Variants in SNTG2 observed in about 807,000 individuals in gnomAD.
The protein encoded by SNTG2 is syntrophin gamma 2, also known as gamma-2-syntrophin.
Under a neutral mutation model 70.9 loss-of-function variants are expected in SNTG2, and 74 were observed. That is an observed-to-expected ratio of 1.04 (90% CI 0.86 to 1.27). SNTG2 has a LOEUF of 1.27. Among genes scored for constraint, SNTG2 ranks in the 50% most tolerant of loss-of-function variants. The pLI, the probability that SNTG2 is intolerant of heterozygous loss-of-function variation, is 0.00. For synonymous variants in SNTG2, 278 were observed against 273.8 expected (o/e 1.02, Z -0.15); for missense variants, 717 against 690.7 (o/e 1.04, Z -0.43).
chr2:1,139,077 G>T (rs1052853386), intron 6 of SNTG2, among the ~76,000 whole-genome samples: 11 of 152,228 alleles, frequency 7.2e-5, no homozygotes, highest in African/African-American at 2.4e-4. Flanking sequence ...AAGCCAAAAA[G>T]TCTCGAGTAG....
intron 1 of SNTG2, among the ~76,000 whole-genome samples, chr2:1,063,806 A>T (rs149012522): frequency 7.7e-4 from 117 of 152,338 alleles, no homozygotes; most frequent in Admixed American, 2.0e-3. Flanking sequence ...AAACTTTCAC[A>T]TTTATGGATA....
intron 4 of SNTG2, among the ~76,000 whole-genome samples, chr2:1,118,549 A>G (rs2148281193): frequency 1.3e-5 from 2 of 152,308 alleles, no homozygotes; most frequent in South Asian, 4.1e-4. Context: ...TAGAAGAGAT[A>G]AGAATCAGAT....
At chr2:1,247,559 G>A (rs1173114323) in intron 12 of SNTG2, 116 bp downstream of exon 12, 13 of 693,894 alleles carry the variant, frequency 1.9e-5, no homozygotes, top group African/African-American at 3.6e-5. Context: ...TGGTCCTGCC[G>A]TTTGCTGTTT....
chr2:1,267,670 T>C (rs1168149670), intron 14 of SNTG2, 99 bp downstream of exon 14: 2 of 1,103,534 alleles, frequency 1.8e-6, no homozygotes, highest in East Asian at 5.1e-5. Flanking sequence ...AAAAGAGGAA[T>C]CTTCAGAAGG....
In SNTG2 at chr2:1,354,477, G is replaced by A. The variant is rs548987180; in HGVS notation, c.1489-12866G>A. Among the ~76,000 whole-genome samples the A allele has an allele frequency of 2.9e-5, 2 of 68,080 alleles. 1 individual carries two copies. The highest frequency in any genetic ancestry group is 5.7e-5 in the Non-Finnish European group (2 of 35,252). The allele number at this position is 68,080 out of a possible 152,430, so 44.7% of individuals were successfully genotyped here. ...CTGGAGCTCAGGGACTGGGTGTTCC[G>A]TGGCAGAGCGGCTGCCTGAGTTCCC... On this transcript the variant is annotated intron_variant, in intron 16 of 16. Coordinates refer to ENST00000308624, the MANE Select transcript of SNTG2 (RefSeq NM_018968.4).
At chr2:1,164,759 T>G (rs1205073045) in intron 6 of SNTG2, among the ~76,000 whole-genome samples, 1 of 151,302 alleles carries the variant, frequency 6.6e-6, no homozygotes, top group South Asian at 2.1e-4. Flanking sequence ...CCTAGGAGGA[T>G]GAAGTGAGGT....
chr2:1,268,651 G>A (rs868354541), intron 14 of SNTG2, among the ~76,000 whole-genome samples: 5 of 152,140 alleles, frequency 3.3e-5, no homozygotes, highest in African/African-American at 1.2e-4. Flanking sequence ...AACCATTATA[G>A]AACATTACAT....
chr2:1,069,629 A>G (rs1021346560), intron 1 of SNTG2, among the ~76,000 whole-genome samples: 1 of 152,006 alleles, frequency 6.6e-6, no homozygotes. Flanking sequence ...TGTCTGTACT[A>G]AAAATACAAA....
At chr2:1,035,820 C>T (rs1661097907) in intron 1 of SNTG2, among the ~76,000 whole-genome samples, 1 of 152,032 alleles carries the variant, frequency 6.6e-6, no homozygotes, top group South Asian at 2.1e-4. Flanking sequence ...TTTATTTTGT[C>T]TGCACATCTT....
In SNTG2 at chr2:1,151,756, G is replaced by A. The variant is rs185551829; in HGVS notation, c.412-13792G>A. ...TTGTTACTTTCATGAACCTGGTGAC[G>A]ATGCAGATGAGCACAGCTGCTCACA... On this transcript the variant is annotated intron_variant, in intron 6 of 16. Transcript: ENST00000308624. Among the ~76,000 whole-genome samples, 581 of 152,288 alleles carry A rather than the reference G, an allele frequency of 3.8e-3. 4 individuals are homozygous for A. The highest frequency in any genetic ancestry group is 6.8e-3 in the Middle Eastern group (2 of 294).
chr2:1,161,881 T>C (rs574556227), intron 6 of SNTG2, among the ~76,000 whole-genome samples: 12 of 152,202 alleles, frequency 7.9e-5, no homozygotes, highest in Admixed American at 2.0e-4. Flanking sequence ...GAGACCATCC[T>C]GGCTAACACG....
chr2:1,090,778 G>A (rs1232753648), intron 2 of SNTG2, among the ~76,000 whole-genome samples: 2 of 152,178 alleles, frequency 1.3e-5, no homozygotes, highest in African/African-American at 2.4e-5. Context: ...ATGTTCACTT[G>A]AGGCGTTTTT....
chr2:1,073,855 T>C (rs1663739400), intron 1 of SNTG2, among the ~76,000 whole-genome samples: 1 of 152,242 alleles, frequency 6.6e-6, no homozygotes, highest in Non-Finnish European at 1.5e-5. Context: ...AATGGTTATA[T>C]GTTAAAAGCG....
intron 6 of SNTG2, among the ~76,000 whole-genome samples, chr2:1,152,082 G>A (rs957988354): frequency 1.3e-5 from 2 of 152,152 alleles, no homozygotes; most frequent in Non-Finnish European, 2.9e-5. Flanking sequence ...CACATCATGT[G>A]TAGTTCTGGC....
intron 1 of SNTG2, among the ~76,000 whole-genome samples, chr2:991,846 G>A (rs939428608): frequency 3.3e-5 from 5 of 152,176 alleles, no homozygotes; most frequent in African/African-American, 4.8e-5. Context: ...AAGAAATTTC[G>A]TGAGAGATTG....
At chr2:1,095,638 T>C (rs578244987) in intron 2 of SNTG2, among the ~76,000 whole-genome samples, 45 of 152,310 alleles carry the variant, frequency 3.0e-4, no homozygotes, top group African/African-American at 1.1e-3. Flanking sequence ...CTTCCTGACA[T>C]GTATAAGTGA....
At chr2:1,220,832 G>A (rs528237223) in intron 9 of SNTG2, among the ~76,000 whole-genome samples, 2 of 152,330 alleles carry the variant, frequency 1.3e-5, no homozygotes, top group East Asian at 3.9e-4. Flanking sequence ...TGGTGGGGGT[G>A]TCTTCCGTGG....
chr2:1,218,516 A>G (rs113721962), intron 9 of SNTG2, among the ~76,000 whole-genome samples: 1 of 152,338 alleles, frequency 6.6e-6, no homozygotes, highest in African/African-American at 2.4e-5. Context: ...TCCACATGGT[A>G]CCGTTGGACA....
At chr2:1,157,358 C>T (rs978248086) in intron 6 of SNTG2, among the ~76,000 whole-genome samples, 2 of 152,154 alleles carry the variant, frequency 1.3e-5, no homozygotes, top group African/African-American at 4.8e-5. Flanking sequence ...TGAATGCACC[C>T]CGGCACCGCG....
Sources: allele counts gnomAD v4.1 joint callset (sites outside exome capture counted in the v4.1 genomes callset), GRCh38; gene constraint gnomAD v4.1.1; transcripts MANE v1.5; gene names NCBI Gene and HGNC (gene_info 2026-07-23, HGNC 2026-07-21).